The following FSAF1 variants were observed in gnomAD, a reference collection of about 807,000 sequenced individuals.
The protein encoded by FSAF1 is uncharacterized protein C1orf131.
the FSAF1 span, among the ~76,000 whole-genome samples, chr1:231,240,337 A>C: frequency 3.3e-5 from 5 of 152,240 alleles, no homozygotes; most frequent in Non-Finnish European, 7.3e-5. This position sits in a 1 kb window ranked among gnomAD's most constrained non-coding sequence, Gnocchi z 4.1. Flanking sequence ...CTGTAAATTT[A>C]AGAAATGTGT....
chr1:231,239,206 A>C, the FSAF1 span: 2 of 1,522,678 alleles, frequency 1.3e-6, no homozygotes, highest in East Asian at 4.5e-5. Context: ...TTCAAACACA[A>C]GAAGGAAAAT....
chr1:231,234,419 A>G, the FSAF1 span, among the ~76,000 whole-genome samples: 235 of 152,316 alleles, frequency 1.5e-3, 1 homozygote, highest in African/African-American at 5.5e-3. This position sits in a 1 kb window ranked among gnomAD's most constrained non-coding sequence, Gnocchi z 4.0. Context: ...GCTTAAAAGC[A>G]TAAGAATTTT....
chr1:231,231,476 G>C, the FSAF1 span, among the ~76,000 whole-genome samples: 1 of 152,048 alleles, frequency 6.6e-6, no homozygotes, highest in Admixed American at 6.6e-5. Flanking sequence ...TGAAGTAATG[G>C]CTAAATCAAG....
At chr1:231,238,226 C>T in the FSAF1 span, 1 of 152,212 alleles carries the variant, frequency 6.6e-6, no homozygotes, top group Non-Finnish European at 1.5e-5. Context: ...AACCACACCT[C>T]CCTTGGGGAC....
chr1:231,225,298 C>T, the FSAF1 span: 1 of 611,312 alleles, frequency 1.6e-6, no homozygotes, highest in South Asian at 2.2e-5. Context: ...AGTTCTCAGG[C>T]AGTTGTTTGA....
At chr1:231,227,371 C>T in the FSAF1 span, among the ~76,000 whole-genome samples, 1 of 152,148 alleles carries the variant, frequency 6.6e-6, no homozygotes, top group African/African-American at 2.4e-5. Flanking sequence ...ACCTCCTGGG[C>T]ATGTGATCTC....
At chr1:231,223,934 A>G in the FSAF1 span, 1 of 184,022 alleles carries the variant, frequency 5.4e-6, no homozygotes, top group African/African-American at 2.3e-5. Flanking sequence ...TTTAATGTAA[A>G]CTACTAGCAT....
chr1:231,236,087 T>A, the FSAF1 span, among the ~76,000 whole-genome samples: 1 of 152,234 alleles, frequency 6.6e-6, no homozygotes, highest in Non-Finnish European at 1.5e-5. Flanking sequence ...TGTTTAACTG[T>A]CCTACAATGG....
the FSAF1 span, chr1:231,241,161 GCTTCCGGGTTCCGCGACT>G: frequency 6.3e-7 from 1 of 1,598,026 alleles, no homozygotes. Flanking sequence ...CTGCACCCCC[GCTTCCGGGTTCCGCGACT>G]GCGCGCATGC....
chr1:231,224,478 C>T, the FSAF1 span: 3 of 1,510,510 alleles, frequency 2.0e-6, no homozygotes, highest in Non-Finnish European at 2.7e-6. Context: ...ATCACAGTAC[C>T]ACCAACCAGG....
At chr1:231,227,153 G>A in the FSAF1 span, 1 of 1,366,062 alleles carries the variant, frequency 7.3e-7, no homozygotes, top group Non-Finnish European at 1.0e-6. Flanking sequence ...ATGCATTTCA[G>A]ATCCACCGCT....
chr1:231,240,971 C>T, the FSAF1 span: 1 of 1,518,192 alleles, frequency 6.6e-7, no homozygotes, highest in South Asian at 1.1e-5. The surrounding 1 kb of genome is among the most constrained non-coding windows in gnomAD (Gnocchi z 4.1). Flanking sequence ...ACACAGGAGA[C>T]CCACGTTCCT....
At chr1:231,229,353 A>G in the FSAF1 span, 2 of 489,814 alleles carry the variant, frequency 4.1e-6, no homozygotes, top group East Asian at 6.5e-5. Flanking sequence ...CCAGAAAATA[A>G]CAAGTGTTGG....
At chr1:231,236,501 C>T in the FSAF1 span, among the ~76,000 whole-genome samples, 1 of 152,250 alleles carries the variant, frequency 6.6e-6, no homozygotes, top group African/African-American at 2.4e-5. Flanking sequence ...CATCAGGGCT[C>T]GCTTGGAACG....
chr1:231,235,475 G>A, the FSAF1 span, among the ~76,000 whole-genome samples: 1 of 151,086 alleles, frequency 6.6e-6, no homozygotes, highest in Non-Finnish European at 1.5e-5. Flanking sequence ...CCAGCCTGGT[G>A]ACAGGGCAAG....
the FSAF1 span, chr1:231,239,195 G>C: frequency 6.8e-5 from 104 of 1,537,008 alleles, no homozygotes; most frequent in Non-Finnish European, 8.7e-5. Context: ...CCTCCTGTTT[G>C]TTCAAACACA....
At chr1:231,226,687 G>C in the FSAF1 span, 30 of 1,484,546 alleles carry the variant, frequency 2.0e-5, no homozygotes, top group African/African-American at 3.9e-4. Flanking sequence ...CTGTGGCAAA[G>C]AGCATCCATC....
At chr1:231,237,341 T>C in the FSAF1 span, 1 of 152,246 alleles carries the variant, frequency 6.6e-6, no homozygotes, top group East Asian at 1.9e-4. Flanking sequence ...ATCTTCGTAG[T>C]GGGTAGAATT....
the FSAF1 span, chr1:231,225,501 T>G: frequency 1.2e-6 from 2 of 1,613,702 alleles, no homozygotes; most frequent in Admixed American, 1.7e-5. Flanking sequence ...CTTCTTTTTC[T>G]TGAAAATATC....
Sources: gnomAD v4.1 joint callset for allele counts (sites outside exome capture counted in the v4.1 genomes callset) on GRCh38, gnomAD v4.1.1 for gene constraint, Gnocchi (gnomAD v3.1) non-coding constraint, MANE v1.5 for transcripts, NCBI Gene and HGNC (gene_info 2026-07-23, HGNC 2026-07-21) for gene names.